The following NKAIN3 variants were observed in gnomAD, a reference collection of about 807,000 sequenced individuals.
NKAIN3 encodes the protein sodium/potassium transporting ATPase interacting 3, also known as sodium/potassium-transporting ATPase subunit beta-1-interacting protein 3.
NKAIN3 carries 25 observed loss-of-function variants against 30.2 expected under a neutral mutation model. That is an observed-to-expected ratio of 0.83 (90% confidence interval 0.60 to 1.16). The LOEUF (loss-of-function observed/expected upper bound fraction) is 1.16. NKAIN3 is among the 50% of genes most tolerant of loss of function. The pLI is 0.00. For missense variants in NKAIN3, 225 were observed against 254.1 expected (o/e 0.89, Z 0.78); for synonymous variants, 91 against 89.6 (o/e 1.02, Z -0.09).
At chr8:62,527,107 A>T (rs2129814705) in intron 1 of NKAIN3, among the ~76,000 whole-genome samples, 1 of 152,320 alleles carries the variant, frequency 6.6e-6, no homozygotes, top group Non-Finnish European at 1.5e-5. Flanking sequence ...CCCAAACCAG[A>T]GAGAGAGGAG....
At position 62,980,938 on chromosome 8, in the gene NKAIN3, A is replaced by T. The variant is rs1824060519; in HGVS notation, c.*15531A>T. On this transcript the variant is annotated 3_prime_UTR_variant, in exon 7 of 7. Coordinates refer to ENST00000623646, the MANE Select transcript of NKAIN3 (RefSeq NM_001304533.3). ...TTGAATATGGAACTCAAATTATCTA[A>T]GGTTTACCCAGAAGTCAAAATCACC... 3 of 152,198 alleles carry T rather than the reference A, an allele frequency of 2.0e-5. No homozygotes were observed. The South Asian group carries it at 6.2e-4, about 31-fold the overall frequency. The allele number at this position is 152,198 out of a possible 1,614,324, so 9.4% of individuals were successfully genotyped here.
chr8:62,987,381 T>C (rs1175185565), downstream of NKAIN3, among the ~76,000 whole-genome samples: 2 of 152,112 alleles, frequency 1.3e-5, no homozygotes, highest in Admixed American at 1.3e-4. Flanking sequence ...AGGTGGAGTA[T>C]ATTAGGCTGT....
chr8:62,287,207 A>T (rs755791359), intron 1 of NKAIN3, among the ~76,000 whole-genome samples: 4 of 151,746 alleles, frequency 2.6e-5, no homozygotes, highest in Non-Finnish European at 5.9e-5. Context: ...GTGTTAGATT[A>T]GTCTCTGGTT....
At chr8:62,420,361 T>C (rs994224392) in intron 1 of NKAIN3, among the ~76,000 whole-genome samples, 10 of 152,212 alleles carry the variant, frequency 6.6e-5, no homozygotes, top group Non-Finnish European at 1.2e-4. Context: ...TAAAGGGTGA[T>C]TCCAATTACA....
chr8:62,676,758 G>C (rs1344500642), intron 3 of NKAIN3, among the ~76,000 whole-genome samples: 2 of 149,784 alleles, frequency 1.3e-5, no homozygotes, highest in African/African-American at 2.5e-5. Context: ...CTGTCACCCA[G>C]GCTTGCATGC....
At chr8:62,278,441 C>A (rs1483306807) in intron 1 of NKAIN3, among the ~76,000 whole-genome samples, 4 of 151,744 alleles carry the variant, frequency 2.6e-5, no homozygotes, top group Admixed American at 6.6e-5. Context: ...AGGTTTGTTA[C>A]ATATGTATAC....
At chr8:62,525,000 A>G (rs1213778554) in intron 1 of NKAIN3, among the ~76,000 whole-genome samples, 1 of 151,804 alleles carries the variant, frequency 6.6e-6, no homozygotes, top group Admixed American at 6.6e-5. Context: ...TTGTTCTGTC[A>G]ACTCTCTTTG....
chr8:62,622,812 CT>C (rs1414946896), intron 3 of NKAIN3, among the ~76,000 whole-genome samples: 2 of 151,850 alleles, frequency 1.3e-5, no homozygotes, highest in Non-Finnish European at 2.9e-5. Flanking sequence ...ACTGGTAGTA[CT>C]TTTGATGTCA....
intron 3 of NKAIN3, among the ~76,000 whole-genome samples, chr8:62,659,213 C>T (rs931363195): frequency 2.6e-5 from 4 of 152,168 alleles, no homozygotes; most frequent in African/African-American, 7.2e-5. Flanking sequence ...GAGCTGGCCT[C>T]CAAGAGTCAT....
At chr8:62,604,752 A>C (rs1393033127) in intron 3 of NKAIN3, among the ~76,000 whole-genome samples, 6 of 152,204 alleles carry the variant, frequency 3.9e-5, no homozygotes, top group African/African-American at 1.4e-4. Context: ...TCAAAGAAAA[A>C]GAAAGAATAT....
intron 4 of NKAIN3, among the ~76,000 whole-genome samples, chr8:62,854,259 A>G (rs1461518342): frequency 6.6e-6 from 1 of 152,156 alleles, no homozygotes; most frequent in Non-Finnish European, 1.5e-5. Flanking sequence ...ATCTTTGTTA[A>G]TGTTCTGCCT....
intron 3 of NKAIN3, among the ~76,000 whole-genome samples, chr8:62,643,110 G>A (rs900950269): frequency 1.3e-5 from 2 of 151,854 alleles, no homozygotes; most frequent in Admixed American, 6.6e-5. Flanking sequence ...AAGATAACTT[G>A]GCACCAGAAT....
At chr8:62,869,255 A>G (rs1038569966) in intron 4 of NKAIN3, among the ~76,000 whole-genome samples, 1 of 152,190 alleles carries the variant, frequency 6.6e-6, no homozygotes, top group Non-Finnish European at 1.5e-5. Flanking sequence ...TCAACCCGTC[A>G]TCTAGGCTTT....
chr8:62,310,951 C>T (rs1355756735), intron 1 of NKAIN3, among the ~76,000 whole-genome samples: 1 of 150,254 alleles, frequency 6.7e-6, no homozygotes, highest in Non-Finnish European at 1.5e-5. Flanking sequence ...ATAATCAAGG[C>T]CACCTGACAA....
In NKAIN3 at chr8:62,458,454, A is replaced by G. The variant is rs185331428; in HGVS notation, c.55-121085A>G. Among the ~76,000 whole-genome samples, 68 of 152,352 alleles carry G rather than the reference A, an allele frequency of 4.5e-4. No individual in the cohort carries two copies. In the Middle Eastern group the frequency reaches 0.017, roughly 38 times the overall value. ...ATGTGTGTTTGGGTTTGGAGGTGAT[A>G]GATCCAACCCTATGACAACAGTGAA... On this transcript the variant is annotated intron_variant, in intron 1 of 6. Coordinates refer to ENST00000623646, the MANE Select transcript of NKAIN3 (RefSeq NM_001304533.3).
In NKAIN3 at chr8:62,970,786, A is replaced by G. The variant is rs1191469864; in HGVS notation, c.*5379A>G. On this transcript the variant is annotated 3_prime_UTR_variant, in exon 7 of 7. Coordinates refer to ENST00000623646, the MANE Select transcript of NKAIN3 (RefSeq NM_001304533.3). ...CTTGTTTCTTTGATTGACTAAAAAC[A>G]TTGAATCATTTTCCATGTAAGGCAT... Among the ~76,000 whole-genome samples, 1 of 152,218 alleles carries G rather than the reference A, an allele frequency of 6.6e-6. No individual in the cohort carries two copies. Among genetic ancestry groups the G allele is most frequent in the Non-Finnish European group, 1.5e-5 (1 of 68,036 alleles).
At chr8:62,999,052 T>C (rs928543282) in intron 5 of NKAIN3, among the ~76,000 whole-genome samples, 9 of 152,230 alleles carry the variant, frequency 5.9e-5, no homozygotes, top group Non-Finnish European at 2.9e-5. Flanking sequence ...CTTTGCTCAT[T>C]TTTTAATTGG....
chr8:62,667,367 A>G (rs1813155337), intron 3 of NKAIN3, among the ~76,000 whole-genome samples: 1 of 144,208 alleles, frequency 6.9e-6, no homozygotes, highest in African/African-American at 2.6e-5. Flanking sequence ...ATCTGTATAT[A>G]TATATATAAA....
chr8:62,739,928 G>T (rs1317050751), intron 3 of NKAIN3, among the ~76,000 whole-genome samples: 3 of 152,092 alleles, frequency 2.0e-5, no homozygotes, highest in African/African-American at 7.2e-5. Flanking sequence ...AATTTTTTTA[G>T]AAAGCAACAG....
Sources: allele counts gnomAD v4.1 joint callset (sites outside exome capture counted in the v4.1 genomes callset), GRCh38; gene constraint gnomAD v4.1.1; transcripts MANE v1.5; gene names NCBI Gene and HGNC (gene_info 2026-07-23, HGNC 2026-07-21).